The following CALN1 variants were observed in gnomAD, a reference collection of about 807,000 sequenced individuals.
The protein encoded by CALN1 is calcium-binding protein 8.
Under a neutral mutation model 30.6 loss-of-function variants are expected in CALN1, and 17 were observed. That is an observed-to-expected ratio of 0.56 (90% CI 0.38 to 0.83). The LOEUF is 0.83. Ranked by LOEUF, CALN1 falls within the 40% of genes least tolerant of loss-of-function variation. The probability of loss-of-function intolerance (pLI) is 0.00; values close to 1 mark genes in which losing one functional copy is unlikely to be tolerated. For missense variants in CALN1, 291 were observed against 354.9 expected, an observed-to-expected ratio of 0.82 and a Z score of 1.45; for synonymous variants, 156 against 131.4, an observed-to-expected ratio of 1.19 and a Z score of -1.28.
the CALN1 span, among the ~76,000 whole-genome samples, chr7:72,478,099 A>G: frequency 6.6e-6 from 1 of 151,576 alleles, no homozygotes; most frequent in South Asian, 2.1e-4. Flanking sequence ...TGATGATGCC[A>G]GGGCCATTGG....
In CALN1 at chr7:72,287,435, A is replaced by ATTTTTT. The variant is rs71069052; in HGVS notation, c.120-8631_120-8626dup. On this transcript the variant is annotated intron_variant, in intron 2 of 6. Coordinates refer to ENST00000395275, the MANE Select transcript of CALN1 (RefSeq NM_031468.4). ...AAATCCATACACATACACCAAATTA[A>ATTTTTT]TTTTTTTTTTTTTTTTTTTTTTTTT... is the stretch of plus-strand genomic sequence containing the variant. 2.0e-3 allele frequency among the ~76,000 whole-genome samples: 136 copies of ATTTTTT among 68,094 alleles called. 3 individuals are homozygous for ATTTTTT. The highest frequency in any genetic ancestry group is 2.5e-3 in the African/African-American group (41 of 16,658). The allele number at this position is 68,094 out of a possible 152,430, so 44.7% of individuals were successfully genotyped here.
At chr7:72,011,558 G>A (rs959520720) in intron 5 of CALN1, among the ~76,000 whole-genome samples, 4 of 152,216 alleles carry the variant, frequency 2.6e-5, no homozygotes, top group Non-Finnish European at 5.9e-5. Context: ...CTGACCCCAA[G>A]AGGTCCCCAT....
intron 3 of CALN1, among the ~76,000 whole-genome samples, chr7:72,261,702 A>G (rs1300923868): frequency 2.0e-5 from 3 of 152,202 alleles, no homozygotes; most frequent in Non-Finnish European, 4.4e-5. Context: ...TGCTGGGATT[A>G]TAGGCATGAA....
intron 3 of CALN1, among the ~76,000 whole-genome samples, chr7:72,256,080 G>A (rs1052392668): frequency 6.6e-6 from 1 of 152,182 alleles, no homozygotes; most frequent in East Asian, 1.9e-4. Context: ...CACTTTTCAA[G>A]ATTTCACAAC....
At chr7:71,865,447 T>C (rs1232914162) in intron 5 of CALN1, among the ~76,000 whole-genome samples, 1 of 152,240 alleles carries the variant, frequency 6.6e-6, no homozygotes, top group Non-Finnish European at 1.5e-5. Flanking sequence ...CTGTACAGCC[T>C]ACAGAACCAT....
chr7:72,495,529 C>G, the CALN1 span, among the ~76,000 whole-genome samples: 6 of 152,186 alleles, frequency 3.9e-5, no homozygotes, highest in Non-Finnish European at 7.3e-5. Context: ...GTTTGGCATC[C>G]CTTGCTCCAT....
At chr7:72,130,153 C>T (rs1424852039) in intron 3 of CALN1, among the ~76,000 whole-genome samples, 3 of 152,164 alleles carry the variant, frequency 2.0e-5, no homozygotes, top group Non-Finnish European at 4.4e-5. Flanking sequence ...TTGACACAAC[C>T]TGAGGCTCTC....
chr7:72,430,437 A>G (rs1023323542), intron 1 of CALN1, among the ~76,000 whole-genome samples: 7 of 152,034 alleles, frequency 4.6e-5, no homozygotes, highest in Non-Finnish European at 1.0e-4. Context: ...ATAAAATTTT[A>G]CAGGGAGGTT....
At chr7:72,381,300 C>G (rs554043290) in intron 2 of CALN1, among the ~76,000 whole-genome samples, 15 of 152,182 alleles carry the variant, frequency 9.9e-5, no homozygotes, top group Middle Eastern at 6.8e-3. Flanking sequence ...GATCGAGAAC[C>G]AGAAATACCA....
chr7:72,344,019 A>AT (rs200042263), intron 2 of CALN1, among the ~76,000 whole-genome samples: 2,170 of 151,582 alleles, frequency 0.014, 64 homozygotes, highest in African/African-American at 0.048. Flanking sequence ...AGAAAGGTCT[A>AT]TTTTTTTTTA....
chr7:71,952,907 C>T (rs1796768716), intron 5 of CALN1, among the ~76,000 whole-genome samples: 1 of 152,134 alleles, frequency 6.6e-6, no homozygotes, highest in Admixed American at 6.5e-5. Flanking sequence ...AAGTGCCTTC[C>T]TCTTTAGCTT....
intron 4 of CALN1, among the ~76,000 whole-genome samples, chr7:72,084,932 ATCCCAC>A (rs1805383992): frequency 6.6e-6 from 1 of 152,170 alleles, no homozygotes; most frequent in Admixed American, 6.5e-5. Context: ...ATCTCATGCC[ATCCCAC>A]TCCAACTTGC....
At chr7:72,233,744 C>G (rs1585227512) in intron 3 of CALN1, among the ~76,000 whole-genome samples, 1 of 152,118 alleles carries the variant, frequency 6.6e-6, no homozygotes, top group East Asian at 1.9e-4. Flanking sequence ...TGGCTCACAT[C>G]TGTAATCCCA....
At chr7:72,330,764 A>G (rs189734170) in intron 2 of CALN1, among the ~76,000 whole-genome samples, 143 of 152,318 alleles carry the variant, frequency 9.4e-4, no homozygotes, top group African/African-American at 3.3e-3. Flanking sequence ...ACAGCAGCAC[A>G]GTCCCTTAAT....
At chr7:72,196,651 T>C (rs973848703) in intron 3 of CALN1, among the ~76,000 whole-genome samples, 5 of 152,214 alleles carry the variant, frequency 3.3e-5, no homozygotes, top group East Asian at 1.9e-4. Flanking sequence ...CACTGGGAGA[T>C]AGGCCCAACT....
At chr7:72,372,273 C>A (rs1243363954) in intron 2 of CALN1, among the ~76,000 whole-genome samples, 1 of 152,112 alleles carries the variant, frequency 6.6e-6, no homozygotes, top group Admixed American at 6.5e-5. Context: ...GGAAGGAGAG[C>A]CTTACTCTCC....
intron 5 of CALN1, among the ~76,000 whole-genome samples, chr7:71,810,941 G>GCT (rs985781292): frequency 1.3e-5 from 2 of 149,178 alleles, no homozygotes; most frequent in African/African-American, 5.0e-5. Context: ...TTTCGCCCAG[G>GCT]CTGGAGTGCA....
rs569984413 is a variant in CALN1 at position 72,411,650 on chromosome 7, T to C, written c.-74+408A>G. Among the ~76,000 whole-genome samples, 469 of 152,312 alleles carry C rather than the reference T, an allele frequency of 3.1e-3. 2 individuals are homozygous for C. The highest frequency in any genetic ancestry group is 0.011 in the African/African-American group (442 of 41,560). On this transcript the variant is annotated intron_variant, in intron 1 of 6. Transcript: ENST00000395275. ...CCATGGGAGGAAATACGAAAAGTCT[T>C]GTCAGGCCTAAAAGTGGATAAGTTC...
In CALN1 at chr7:72,432,274, C is replaced by T. The variant is rs1223076594; in HGVS notation, c.-226+14768G>A. On this transcript the variant is annotated intron_variant, in intron 1 of 6. Transcript: ENST00000395276. ...GTAAGACGTGCCTTTTTTCCTCCTTCGTCTTCTGCCATGGTTGTGAAGCCT... is the reference window on the plus strand; with the variant it reads ...GTAAGACGTGCCTTTTTTCCTCCTTTGTCTTCTGCCATGGTTGTGAAGCCT... Among the ~76,000 whole-genome samples the T allele has an allele frequency of 4.6e-5, 7 of 152,128 alleles. No homozygotes were observed. In the East Asian group the frequency reaches 5.8e-4, roughly 13 times the overall value.
Sources: gnomAD v4.1 joint callset for allele counts (sites outside exome capture counted in the v4.1 genomes callset) on GRCh38, gnomAD v4.1.1 for gene constraint, MANE v1.5 for transcripts, NCBI Gene and HGNC (gene_info 2026-07-23, HGNC 2026-07-21) for gene names.